Variants in CCDC14 observed in about 807,000 individuals in gnomAD.
CCDC14 encodes coiled-coil domain containing 14.
Under a neutral mutation model 81.4 loss-of-function variants are expected in CCDC14, and 71 were observed. The observed-to-expected ratio is 0.87, with a 90% CI of 0.72 to 1.06. The LOEUF (loss-of-function observed/expected upper bound fraction) is 1.06, where lower values mean the gene tolerates loss of function less well. CCDC14 is among the 50% of genes least tolerant of loss of function. The probability of loss-of-function intolerance (pLI) is 0.00; values close to 1 mark genes in which losing one functional copy is unlikely to be tolerated. For synonymous variants in CCDC14, 332 were observed against 364.8 expected (o/e 0.91, Z 1.03); for missense variants, 1,046 against 1,047.3 (o/e 1.00, Z 0.02).
At position 123,947,306 on chromosome 3, in the gene CCDC14, T is replaced by A. The variant is rs774745865; in HGVS notation, c.698A>T (p.Asp233Val). The A allele has an allele frequency of 3.7e-6, 6 of 1,609,020 alleles. No homozygotes were observed. In the South Asian group the frequency reaches 6.6e-5, roughly 18 times the overall value. Reference protein sequence around the residue: ...PPKVHSEVQTDGNSQFASQGK... With the variant: ...PPKVHSEVQTVGNSQFASQGK... ...TTGTGATGCAAACTGACTGTTGCCA[T>A]CAGTTTGAACTTCCTAAAGAAAGAT... Residue 233 changes from aspartate to valine, a missense_variant, in exon 8 of 13, where the codon GAT (aspartate) becomes GTT (valine). By Grantham distance (152) the Asp-to-Val change is radical. Coordinates refer to ENST00000409697, the MANE Select transcript of CCDC14 (RefSeq NM_001366335.1).
Position 123,955,835 on chromosome 3 carries a change from A to C in CCDC14, c.352+8T>G. 3 of 1,496,530 alleles carry C rather than the reference A, an allele frequency of 2.0e-6. No individual in the cohort carries two copies. Among genetic ancestry groups the C allele is most frequent in the South Asian group, 1.3e-5 (1 of 76,800 alleles). The allele number at this position is 1,496,530 out of a possible 1,614,324, so 92.7% of individuals were successfully genotyped here. A position where few individuals can be genotyped will look rare whatever the true frequency, so the allele number is the denominator to read the frequency against. On this transcript the variant is annotated splice_region_variant and intron_variant, in intron 5 of 12. Transcript: ENST00000409697. ...TATCTTTAAATAACTAAGAGAAAAA[A>C]GGCTTACATGTTTCTTTCTGGACTA... is the stretch of plus-strand genomic sequence containing the variant.
Position 123,947,238 on chromosome 3 carries a change from A to C in CCDC14, c.766T>G (p.Ser256Ala), listed in dbSNP as rs759221863. ...GGAACTCCAGGACTGGTATTAAATG[A>C]ATTCCGTAGAACATCAGTACAGGTT... is the stretch of plus-strand genomic sequence containing the variant. ...SATCTDVLRN[S>A]FNTSPGVPCS... The change falls in exon 8 of 13, where the codon TCA becomes GCA. Residue 256 changes from serine to alanine, a missense_variant. Coordinates refer to ENST00000409697, the MANE Select transcript of CCDC14 (RefSeq NM_001366335.1). The C allele has an allele frequency of 1.4e-5, 23 of 1,613,942 alleles. No homozygotes were observed. The highest frequency in any genetic ancestry group is 1.9e-5 in the Non-Finnish European group (23 of 1,179,856).
chr3:123,929,614 T>A (rs921149876), intron 12 of CCDC14, among the ~76,000 whole-genome samples: 1 of 152,178 alleles, frequency 6.6e-6, no homozygotes, highest in Non-Finnish European at 1.5e-5. Context: ...ATAATTTACA[T>A]ACCACAAAAT....
chr3:123,934,344 T>C (rs930201901), intron 9 of CCDC14, among the ~76,000 whole-genome samples: 20 of 151,512 alleles, frequency 1.3e-4, no homozygotes, highest in Admixed American at 6.6e-5. Context: ...TTCAGTGATT[T>C]GTTGTTTTTT....
chr3:123,899,622 C>T (rs138709523), intron 5 of CCDC14, among the ~76,000 whole-genome samples: 1 of 152,302 alleles, frequency 6.6e-6, no homozygotes, highest in Non-Finnish European at 1.5e-5. Context: ...TCCTCTCCTC[C>T]CCAGTTCTCA....
At chr3:123,945,833 C>CTTTA (rs983391151) in intron 8 of CCDC14, among the ~76,000 whole-genome samples, 30 of 152,076 alleles carry the variant, frequency 2.0e-4, no homozygotes, top group Non-Finnish European at 3.7e-4. Flanking sequence ...TTCTACCAAT[C>CTTTA]TTTATTTATT....
intron 3 of CCDC14, 56 bp downstream of exon 3, chr3:123,956,299 T>G: frequency 7.3e-7 from 1 of 1,361,268 alleles, no homozygotes; most frequent in Admixed American, 2.5e-5. Flanking sequence ...TCCTACTTTT[T>G]AGCTACTATT....
chr3:123,901,991 CATA>C (rs1331795630), intron 5 of CCDC14, among the ~76,000 whole-genome samples: 2 of 152,206 alleles, frequency 1.3e-5, no homozygotes, highest in Admixed American at 6.5e-5. Flanking sequence ...CACTGGCAAA[CATA>C]ATAACAGACA....
At chr3:123,939,171 C>T (rs1288975878) in intron 9 of CCDC14, among the ~76,000 whole-genome samples, 2 of 151,750 alleles carry the variant, frequency 1.3e-5, no homozygotes, top group Admixed American at 6.6e-5. Flanking sequence ...ACAGCTAGAC[C>T]ACATTAGAGA....
downstream of CCDC14, among the ~76,000 whole-genome samples, chr3:123,910,573 T>TA (rs993995922): frequency 3.3e-5 from 5 of 150,776 alleles, no homozygotes; most frequent in Admixed American, 2.6e-4. Flanking sequence ...GTGTCATGGT[T>TA]AAAAAAAAAG....
chr3:123,956,165 T>C (rs1238846297), intron 3 of CCDC14, 50 bp from the exon 4 acceptor site: 8 of 1,427,066 alleles, frequency 5.6e-6, no homozygotes, highest in African/African-American at 1.5e-5. Context: ...ACTGTTAGTG[T>C]AGGAAAAAAT....
intron 9 of CCDC14, among the ~76,000 whole-genome samples, chr3:123,941,873 C>T (rs974906162): frequency 1.3e-4 from 20 of 151,780 alleles, no homozygotes; most frequent in African/African-American, 4.4e-4. Context: ...TCTAAGGAAC[C>T]GAAATAAATA....
chr3:123,935,320 A>C (rs1431802066), intron 9 of CCDC14, among the ~76,000 whole-genome samples: 1 of 152,232 alleles, frequency 6.6e-6, no homozygotes, highest in Non-Finnish European at 1.5e-5. Flanking sequence ...TGATTATATC[A>C]GTATAACCAT....
At chr3:123,946,002 GTAT>G (rs139051585) in intron 8 of CCDC14, among the ~76,000 whole-genome samples, 4 of 151,974 alleles carry the variant, frequency 2.6e-5, no homozygotes, top group Non-Finnish European at 4.4e-5. Context: ...ACAGCTAATG[GTAT>G]TATTATTATT....
intron 12 of CCDC14, among the ~76,000 whole-genome samples, chr3:123,920,221 TAAATC>T (rs2034962338): frequency 2.6e-5 from 4 of 151,744 alleles, no homozygotes; most frequent in Admixed American, 1.3e-4. Context: ...GAAGAGGAAA[TAAATC>T]AAGAATGAAA....
At chr3:123,904,581 G>A (rs1184772677) in intron 5 of CCDC14, among the ~76,000 whole-genome samples, 1 of 146,150 alleles carries the variant, frequency 6.8e-6, no homozygotes, top group South Asian at 2.3e-4. Flanking sequence ...ACTTTTATGT[G>A]ATTAGGAACA....
rs376373396 is a variant in CCDC14, at chr3:123,934,392, CTCA to C, written c.1344-640_1344-638del. 1.7e-4 allele frequency among the ~76,000 whole-genome samples: 25 copies of C among 145,584 alleles called. 1 individual carries two copies. In the East Asian group the frequency reaches 3.7e-3, roughly 21 times the overall value. On this transcript the variant is annotated intron_variant, in intron 9 of 12. Coordinates refer to ENST00000409697, the MANE Select transcript of CCDC14 (RefSeq NM_001366335.1). ...CCTTTTCTATCTGCTCATGCTGTTT[CTCA>C]TCGTCTTTCTGTGTATCTTCATCAC...
downstream of CCDC14, among the ~76,000 whole-genome samples, chr3:123,909,129 T>G (rs2148767409): frequency 6.6e-6 from 1 of 152,214 alleles, no homozygotes; most frequent in Non-Finnish European, 1.5e-5. Flanking sequence ...GAATCTGGTC[T>G]CTTACCCCAC....
At chr3:123,939,638 A>G (rs2036247527) in intron 9 of CCDC14, among the ~76,000 whole-genome samples, 1 of 151,716 alleles carries the variant, frequency 6.6e-6, no homozygotes, top group South Asian at 2.1e-4. Flanking sequence ...CTTCTTCATA[A>G]TAATTTTTAG....
Sources: gnomAD v4.1 joint callset for allele counts (sites outside exome capture counted in the v4.1 genomes callset) on GRCh38, gnomAD v4.1.1 for gene constraint, MANE v1.5 for transcripts, NCBI Gene and HGNC (gene_info 2026-07-23, HGNC 2026-07-21) for gene names.